The following COPG2 variants were observed in gnomAD, a reference collection of about 807,000 sequenced individuals.
The protein encoded by COPG2 is coat protein complex I subunit gamma 2.
COPG2 carries 37 observed loss-of-function variants against 46.3 expected under a neutral mutation model. The observed-to-expected ratio is 0.80, with a 90% CI of 0.61 to 1.05. The LOEUF (loss-of-function observed/expected upper bound fraction) is 1.05. Among genes scored for constraint, COPG2 ranks in the 50% least tolerant of loss-of-function variants. The pLI is 0.00. For synonymous variants in COPG2, 159 were observed against 129.7 expected, an observed-to-expected ratio of 1.23 and a Z score of -1.53; for missense variants, 427 against 387.8, an observed-to-expected ratio of 1.10 and a Z score of -0.85.
At chr7:130,606,386 T>C (rs928659583) in intron 9 of COPG2, among the ~76,000 whole-genome samples, 1 of 152,096 alleles carries the variant, frequency 6.6e-6, no homozygotes, top group African/African-American at 2.4e-5. Flanking sequence ...ATCTGGTTCT[T>C]AAGGACACTG....
At chr7:130,639,488 T>C (rs761197883) in intron 5 of COPG2, among the ~76,000 whole-genome samples, 3 of 152,216 alleles carry the variant, frequency 2.0e-5, no homozygotes, top group Non-Finnish European at 2.9e-5. Flanking sequence ...GAGATTAACA[T>C]TGGTTCAATG....
intron 20 of COPG2, among the ~76,000 whole-genome samples, chr7:130,513,389 G>GCA (rs1563034258): frequency 3.8e-5 from 4 of 105,846 alleles, no homozygotes; most frequent in South Asian, 3.2e-4. Context: ...GTGTGTGTGT[G>GCA]TATATATATA....
At chr7:130,577,973 G>C (rs1554446547) in intron 9 of COPG2, among the ~76,000 whole-genome samples, 1 of 152,226 alleles carries the variant, frequency 6.6e-6, no homozygotes, top group East Asian at 1.9e-4. Context: ...CAGCAGGGAA[G>C]CTCCAACTGG....
intron 20 of COPG2, chr7:130,546,904 GATGT>G (rs1793452652): frequency 6.6e-6 from 1 of 152,166 alleles, no homozygotes; most frequent in African/African-American, 2.4e-5. Flanking sequence ...ACATAAATGT[GATGT>G]GTGTGCTTAT....
intron 5 of COPG2, among the ~76,000 whole-genome samples, chr7:130,648,816 G>C (rs781945331): frequency 2.0e-5 from 3 of 152,162 alleles, no homozygotes; most frequent in Admixed American, 6.5e-5. Flanking sequence ...GGTAACCAGC[G>C]TGTATTTAAA....
intron 9 of COPG2, among the ~76,000 whole-genome samples, chr7:130,596,980 G>A (rs1266998994): frequency 3.3e-5 from 5 of 152,218 alleles, no homozygotes; most frequent in Non-Finnish European, 2.9e-5. Context: ...AACATCAGAA[G>A]AAGTGGACTG....
chr7:130,629,187 G>T (rs1795177298), intron 5 of COPG2, among the ~76,000 whole-genome samples: 1 of 151,896 alleles, frequency 6.6e-6, no homozygotes, highest in African/African-American at 2.4e-5. Flanking sequence ...CCTTTTTTGG[G>T]GGGGGTACCT....
At chr7:130,605,624 C>G in intron 9 of COPG2, 1 of 458,814 alleles carries the variant, frequency 2.2e-6, no homozygotes, top group South Asian at 1.6e-5. Context: ...CAGGCAACCT[C>G]TAGAGGCACA....
chr7:130,643,806 A>C (rs1409210299), intron 5 of COPG2, among the ~76,000 whole-genome samples: 71 of 152,238 alleles, frequency 4.7e-4, no homozygotes, highest in African/African-American at 1.3e-3. Flanking sequence ...ATTTAAAAAA[A>C]ACACACACAC....
chr7:130,628,921 G>A (rs1434998126), intron 5 of COPG2, among the ~76,000 whole-genome samples: 25 of 152,088 alleles, frequency 1.6e-4, no homozygotes, highest in African/African-American at 6.0e-4. Context: ...AGTAGTGTTC[G>A]CCTGTAGTCC....
At chr7:130,619,336 T>TGTAAGAGTG (rs1272853741) in intron 5 of COPG2, among the ~76,000 whole-genome samples, 1 of 152,208 alleles carries the variant, frequency 6.6e-6, no homozygotes, top group Non-Finnish European at 1.5e-5. Context: ...ACAATACAGA[T>TGTAAGAGTG]GTAAGAGTGT....
chr7:130,607,461 C>A, intron 9 of COPG2: 1 of 445,832 alleles, frequency 2.2e-6, no homozygotes, highest in South Asian at 1.7e-5. Context: ...TAATGATATA[C>A]TGTAAAGACT....
At position 130,605,723 on chromosome 7, in the gene COPG2, G is replaced by T. The variant is rs376474272; in HGVS notation, c.737+5230C>A. 3 of 519,766 alleles carry T rather than the reference G, an allele frequency of 5.8e-6. No homozygotes were observed. The Admixed American group carries it at 5.8e-5, about 10-fold the overall frequency. 32.2% of individuals were successfully genotyped at this position (519,766 alleles called of 1,614,324 possible). ...TGAATTTGGCCAACGACTTAAATGA[G>T]ATTGGAAGTGGATTCTTCCTCAAAG... On this transcript the variant is annotated intron_variant, in intron 9 of 23. Transcript: ENST00000425248.
At chr7:130,523,991 C>T (rs1162758323) in intron 20 of COPG2, among the ~76,000 whole-genome samples, 2 of 151,582 alleles carry the variant, frequency 1.3e-5, no homozygotes, top group African/African-American at 4.9e-5. Flanking sequence ...TAGGTGGAGG[C>T]GGGACAGGAG....
intron 5 of COPG2, among the ~76,000 whole-genome samples, chr7:130,632,811 G>T (rs1198141817): frequency 6.6e-6 from 1 of 151,892 alleles, no homozygotes; most frequent in African/African-American, 2.4e-5. Flanking sequence ...TTGTTACACA[G>T]GTATACATGT....
intron 5 of COPG2, among the ~76,000 whole-genome samples, chr7:130,633,018 G>C (rs1795260412): frequency 6.6e-6 from 1 of 152,102 alleles, no homozygotes; most frequent in Non-Finnish European, 1.5e-5. Context: ...TCCCGTGTTA[G>C]TTTGCTGAGA....
chr7:130,658,337 C>A (rs1795897354), intron 4 of COPG2, among the ~76,000 whole-genome samples: 1 of 152,004 alleles, frequency 6.6e-6, no homozygotes, highest in African/African-American at 2.4e-5. Flanking sequence ...CTGGAAAAGG[C>A]AAATTTATAA....
At chr7:130,642,245 C>CTTTT (rs34046542) in intron 5 of COPG2, among the ~76,000 whole-genome samples, 1 of 149,236 alleles carries the variant, frequency 6.7e-6, no homozygotes. Context: ...AACTACATCT[C>CTTTT]TTTTTTTTTT....
At chr7:130,620,458 G>A (rs1795019831) in intron 5 of COPG2, among the ~76,000 whole-genome samples, 1 of 152,182 alleles carries the variant, frequency 6.6e-6, no homozygotes, top group African/African-American at 2.4e-5. Context: ...GGAGCTGGGT[G>A]CCACAGGGAC....
Sources: allele counts gnomAD v4.1 joint callset (sites outside exome capture counted in the v4.1 genomes callset), GRCh38; gene constraint gnomAD v4.1.1; transcripts MANE v1.5; gene names NCBI Gene and HGNC (gene_info 2026-07-23, HGNC 2026-07-21).